The following NKAIN2 variants were observed in gnomAD, a reference collection of about 807,000 sequenced individuals.
NKAIN2 encodes sodium/potassium-transporting ATPase subunit beta-1-interacting protein 2.
A neutral mutation model predicts 32.6 loss-of-function variants in NKAIN2; 14 were observed. The observed-to-expected ratio is 0.43, with a 90% CI of 0.28 to 0.67. NKAIN2 has a LOEUF of 0.67. NKAIN2 is among the 30% of genes least tolerant of loss of function. The probability of loss-of-function intolerance (pLI) is 0.17; values close to 1 mark genes in which losing one functional copy is unlikely to be tolerated. For missense variants in NKAIN2, 198 were observed against 258.3 expected (o/e 0.77, Z 1.60); for synonymous variants, 80 against 87.2 (o/e 0.92, Z 0.46).
At chr6:124,372,828 T>TA (rs11484458) in intron 3 of NKAIN2, among the ~76,000 whole-genome samples, 74,193 of 151,910 alleles carry the variant, frequency 0.49, 18,267 homozygotes, top group East Asian at 0.6. Flanking sequence ...AGATATTTGT[T>TA]AAAAATTTTT....
intron 3 of NKAIN2, among the ~76,000 whole-genome samples, chr6:124,577,634 C>A (rs751013222): frequency 6.6e-6 from 1 of 152,146 alleles, no homozygotes; most frequent in African/African-American, 2.4e-5. Flanking sequence ...GTGTAGGCCA[C>A]AAGGACTGCA....
intron 4 of NKAIN2, among the ~76,000 whole-genome samples, chr6:124,688,680 T>G (rs1332279515): frequency 6.6e-6 from 1 of 152,168 alleles, no homozygotes; most frequent in African/African-American, 2.4e-5. Flanking sequence ...TTCCTTTTAC[T>G]GTCTCTATAC....
intron 1 of NKAIN2, among the ~76,000 whole-genome samples, chr6:123,819,713 G>A (rs1773846080): frequency 6.6e-6 from 1 of 152,122 alleles, no homozygotes; most frequent in Non-Finnish European, 1.5e-5. Context: ...TATTTAGGAT[G>A]CACTTCCAGT....
intron 3 of NKAIN2, among the ~76,000 whole-genome samples, chr6:124,404,918 T>C: frequency 6.6e-6 from 1 of 152,186 alleles, no homozygotes; most frequent in East Asian, 1.9e-4. Flanking sequence ...ATCTTCCCAT[T>C]GCAATGTTAA....
In NKAIN2 at chr6:124,599,223, A is replaced by G. The variant is rs1366298989; in HGVS notation, c.274-58963A>G. On this transcript the variant is annotated intron_variant, in intron 3 of 6. Coordinates refer to ENST00000368417, the MANE Select transcript of NKAIN2 (RefSeq NM_001040214.3). ...TCTTACTCTTTTTTTATTTCAATGT[A>G]GATAATACTGAAAAATAAAAACTCA... 2.0e-5 allele frequency among the ~76,000 whole-genome samples: 3 copies of G among 151,978 alleles called. No individual in the cohort carries two copies. The East Asian group carries it at 5.8e-4, about 29-fold the overall frequency.
intron 1 of NKAIN2, among the ~76,000 whole-genome samples, chr6:124,201,351 G>T (rs1440551557): frequency 6.6e-6 from 1 of 151,878 alleles, no homozygotes; most frequent in Non-Finnish European, 1.5e-5. Context: ...TAACTTTTTG[G>T]TATGATTAAG....
At position 123,955,431 on chromosome 6, in the gene NKAIN2, G is replaced by C. The variant is rs575864374; in HGVS notation, c.54+151177G>C. ...TTTAACTTTCATGTTCAATTGCTTA[G>C]AATTTAAATATTTAGGTAACTTTGC... On this transcript the variant is annotated intron_variant, in intron 1 of 6. Coordinates refer to ENST00000368417, the MANE Select transcript of NKAIN2 (RefSeq NM_001040214.3). 5.7e-4 allele frequency among the ~76,000 whole-genome samples: 87 copies of C among 151,778 alleles called. 1 individual carries two copies. The highest frequency in any genetic ancestry group is 2.1e-3 in the African/African-American group (85 of 41,420).
intron 1 of NKAIN2, among the ~76,000 whole-genome samples, chr6:123,950,467 C>G (rs375808997): frequency 4.9e-4 from 74 of 151,956 alleles, no homozygotes; most frequent in African/African-American, 1.7e-3. Flanking sequence ...TTATTACTGA[C>G]AGTCTAATTA....
intron 5 of NKAIN2, among the ~76,000 whole-genome samples, chr6:124,816,946 A>T (rs1272091378): frequency 6.6e-6 from 1 of 152,212 alleles, no homozygotes; most frequent in Non-Finnish European, 1.5e-5. Flanking sequence ...TGACTGTTCC[A>T]GTTACCATTG....
intron 3 of NKAIN2, among the ~76,000 whole-genome samples, chr6:124,516,132 A>T (rs1171393088): frequency 6.6e-6 from 1 of 152,198 alleles, no homozygotes; most frequent in Non-Finnish European, 1.5e-5. Context: ...TGGAGCAAGG[A>T]ATAAACAATA....
chr6:124,732,030 A>T (rs1776705620), intron 4 of NKAIN2, among the ~76,000 whole-genome samples: 1 of 152,118 alleles, frequency 6.6e-6, no homozygotes, highest in African/African-American at 2.4e-5. Flanking sequence ...CTTAGCCTTC[A>T]TGTGAATGAA....
chr6:123,990,524 G>A (rs1045598092), intron 1 of NKAIN2, among the ~76,000 whole-genome samples: 2 of 152,116 alleles, frequency 1.3e-5, no homozygotes, highest in African/African-American at 2.4e-5. Flanking sequence ...GACTATCCAC[G>A]AAACCACTGG....
At chr6:123,891,260 A>T (rs1366835773) in intron 1 of NKAIN2, among the ~76,000 whole-genome samples, 1 of 152,156 alleles carries the variant, frequency 6.6e-6, no homozygotes, top group African/African-American at 2.4e-5. Flanking sequence ...TTCAGGAAAT[A>T]TTGGGGATGA....
chr6:124,382,104 G>A (rs937933302), intron 3 of NKAIN2, among the ~76,000 whole-genome samples: 3 of 134,908 alleles, frequency 2.2e-5, no homozygotes, highest in Non-Finnish European at 3.2e-5. Flanking sequence ...TATTATTGAG[G>A]TAATGCAATT....
intron 3 of NKAIN2, among the ~76,000 whole-genome samples, chr6:124,526,500 C>T (rs1367731676): frequency 6.6e-6 from 1 of 151,994 alleles, no homozygotes; most frequent in Non-Finnish European, 1.5e-5. Context: ...ATAAGAGGGC[C>T]AACCCCCACC....
At chr6:124,412,338 G>A (rs976651858) in intron 3 of NKAIN2, among the ~76,000 whole-genome samples, 8 of 152,038 alleles carry the variant, frequency 5.3e-5, no homozygotes, top group African/African-American at 1.4e-4. Flanking sequence ...TGATGGTGAC[G>A]TACAGATGGG....
At chr6:124,416,005 A>AT (rs1323361115) in intron 3 of NKAIN2, among the ~76,000 whole-genome samples, 5 of 147,412 alleles carry the variant, frequency 3.4e-5, no homozygotes, top group African/African-American at 1.2e-4. Context: ...GCCTCTGTTC[A>AT]TTTTTTTTAA....
At chr6:124,116,661 G>A (rs927595229) in intron 1 of NKAIN2, among the ~76,000 whole-genome samples, 1 of 151,964 alleles carries the variant, frequency 6.6e-6, no homozygotes, top group Non-Finnish European at 1.5e-5. Context: ...AAATTTAGTG[G>A]AGAGCAAAGA....
At position 124,679,863 on chromosome 6, in the gene NKAIN2, C is replaced by T. The variant is rs138628539; in HGVS notation, c.474+21477C>T. ...TATATGGAAAAAGTAGAAGTAGTGA[C>T]CATTCAGGATTTTTACATGAGAGCT... On this transcript the variant is annotated intron_variant, in intron 4 of 6. Coordinates refer to ENST00000368417, the MANE Select transcript of NKAIN2 (RefSeq NM_001040214.3). Among the ~76,000 whole-genome samples, 685 of 152,124 alleles carry T rather than the reference C, an allele frequency of 4.5e-3. 4 individuals carry two copies. The highest frequency in any genetic ancestry group is 8.1e-3 in the Non-Finnish European group (552 of 68,002).
Sources: allele counts gnomAD v4.1 joint callset (sites outside exome capture counted in the v4.1 genomes callset), GRCh38; gene constraint gnomAD v4.1.1; transcripts MANE v1.5; gene names NCBI Gene and HGNC (gene_info 2026-07-23, HGNC 2026-07-21).